The following TNFRSF8 variants were observed in gnomAD, a reference collection of about 807,000 sequenced individuals.
The protein encoded by TNFRSF8 is tumor necrosis factor receptor superfamily member 8.
Under a neutral mutation model 70.8 loss-of-function variants are expected in TNFRSF8, and 26 were observed. That is an observed-to-expected ratio of 0.37 (90% CI 0.27 to 0.51). TNFRSF8 has a LOEUF of 0.51. Ranked by LOEUF, TNFRSF8 falls within the 20% of genes least tolerant of loss-of-function variation. TNFRSF8 has a pLI of 0.94. For synonymous variants in TNFRSF8, 356 were observed against 339.2 expected (o/e 1.05, Z -0.54); for missense variants, 720 against 807.9 (o/e 0.89, Z 1.32).
In TNFRSF8 at chr1:12,135,824, C is replaced by T. The variant is rs535743381; in HGVS notation, c.1335+211C>T. ...CAGGGACCTCTGTGCACAGAGGCCT[C>T]GCCTGGGGCCTCAGCCAGGCCTTGG... On this transcript the variant is annotated intron_variant, in intron 13 of 14. Coordinates refer to ENST00000263932, the MANE Select transcript of TNFRSF8 (RefSeq NM_001243.5). 1.3e-4 allele frequency among the ~76,000 whole-genome samples: 20 copies of T among 152,288 alleles called. No individual in the cohort carries two copies. The South Asian group carries it at 2.1e-3, about 16-fold the overall frequency.
rs894921097 is a variant in TNFRSF8, at chr1:12,109,279, C to T, written c.422-287C>T. ...GCTCATCGTGGCCAGAGGAATGCAA[C>T]GGATTGATTGGTCCAGCCTGGTCTC... On this transcript the variant is annotated intron_variant, in intron 4 of 14. Transcript: ENST00000263932. The surrounding 1 kb of genome is among the most constrained non-coding windows in gnomAD (Gnocchi z 4.4). Among the ~76,000 whole-genome samples, 11 of 152,168 alleles carry T rather than the reference C, an allele frequency of 7.2e-5. No individual in the cohort carries two copies. The highest frequency in any genetic ancestry group is 2.7e-4 in the African/African-American group (11 of 41,426).
chr1:12,134,521 G>A (rs1642109865), intron 12 of TNFRSF8, among the ~76,000 whole-genome samples: 1 of 152,192 alleles, frequency 6.6e-6, no homozygotes, highest in Non-Finnish European at 1.5e-5. Context: ...GGAGTGGAGG[G>A]TAGAGGTTTG....
chr1:12,074,747 G>C (rs1640908280), intron 1 of TNFRSF8, among the ~76,000 whole-genome samples: 2 of 152,172 alleles, frequency 1.3e-5, no homozygotes, highest in East Asian at 3.9e-4. Context: ...ATCTAAAATG[G>C]AAACCTCTCG....
chr1:12,086,142 G>C (rs369839942), intron 2 of TNFRSF8, among the ~76,000 whole-genome samples: 40 of 152,276 alleles, frequency 2.6e-4, no homozygotes, highest in African/African-American at 8.9e-4. Context: ...TTCCACTGGA[G>C]CTGCGCGGGA....
At chr1:12,129,984 A>C (rs1642018458) in intron 12 of TNFRSF8, among the ~76,000 whole-genome samples, 1 of 150,004 alleles carries the variant, frequency 6.7e-6, no homozygotes, top group Non-Finnish European at 1.5e-5. Context: ...GGCTTACTGC[A>C]ACCCCCGCCT....
chr1:12,137,356 A>G (rs976357233), intron 13 of TNFRSF8, among the ~76,000 whole-genome samples: 3 of 152,116 alleles, frequency 2.0e-5, no homozygotes, highest in Non-Finnish European at 4.4e-5. Context: ...TTACTTTTGC[A>G]CCAATCTAAA....
Position 12,109,927 on chromosome 1 carries a change from G to A in TNFRSF8, c.513-114G>A, listed in dbSNP as rs1363266529. On this transcript the variant is annotated intron_variant, in intron 5 of 14. Transcript: ENST00000263932. This position sits in a 1 kb window ranked among gnomAD's most constrained non-coding sequence, Gnocchi z 4.4. The stretch of plus-strand genomic sequence containing the variant: ...AGGAGCTTACAGTGGGCCCGCCAGA[G>A]GCAGTGGGCCAAGGGCCTGGGACCC... 3 of 1,319,608 alleles carry A rather than the reference G, an allele frequency of 2.3e-6. No homozygotes were observed. Among genetic ancestry groups the A allele is most frequent in the Non-Finnish European group, 3.1e-6 (3 of 953,716 alleles). The allele number at this position is 1,319,608 out of a possible 1,614,324, so 81.7% of individuals were successfully genotyped here.
chr1:12,142,927 GGCCCCTGT>G lies in TNFRSF8; in HGVS notation c.*397_*404del. The stretch of plus-strand genomic sequence containing the variant: ...GAGAGGTCGTGAGGCCAGCTCCCGG[GGCCCCTGT>G]AACCCTACTCTCCTCTCTCCCTGGA... On this transcript the variant is annotated 3_prime_UTR_variant, in exon 15 of 15. Coordinates refer to ENST00000263932, the MANE Select transcript of TNFRSF8 (RefSeq NM_001243.5). This position sits in a 1 kb window ranked among gnomAD's most constrained non-coding sequence, Gnocchi z 5.0. The G allele has an allele frequency of 5.5e-6, 1 of 183,368 alleles. No individual in the cohort carries two copies. The highest frequency in any genetic ancestry group is 1.3e-4 in the South Asian group (1 of 7,992). The allele number at this position is 183,368 out of a possible 1,614,324, so 11.4% of individuals were successfully genotyped here.
rs1641591956 is a variant in TNFRSF8, at chr1:12,109,648, AC to A, written c.507del (p.Ser170ProfsTer25). The A allele has an allele frequency of 6.2e-7, 1 of 1,613,214 alleles. No homozygotes were observed. The highest frequency in any genetic ancestry group is 8.5e-7 in the Non-Finnish European group (1 of 1,179,762). On this transcript the variant is annotated frameshift_variant, in exon 5 of 15. Transcript: ENST00000263932. LOFTEE classifies it high-confidence loss of function. This position sits in a 1 kb window ranked among gnomAD's most constrained non-coding sequence, Gnocchi z 4.4. ...ACASPENCKE[P>X]SSGTIPQAKP... The stretch of plus-strand genomic sequence containing the variant: ...GTGCCAGCCCAGAGAACTGCAAGGA[AC>A]CCTCCAGGTGACTCCCTGGCTTTGC...
At position 12,095,565 on chromosome 1, in the gene TNFRSF8, G is replaced by C. The variant is rs1157289779; in HGVS notation, c.152-1536G>C. Among the ~76,000 whole-genome samples, 3 of 152,366 alleles carry C rather than the reference G, an allele frequency of 2.0e-5. No individual in the cohort carries two copies. The East Asian group carries it at 5.8e-4, about 29-fold the overall frequency. ...GGCCTCCCAAAGTGTTGGGGTTACA[G>C]GCGTGAGCCACCGCACCCGGCCTGT... On this transcript the variant is annotated intron_variant, in intron 2 of 14. Transcript: ENST00000263932.
intron 2 of TNFRSF8, among the ~76,000 whole-genome samples, chr1:12,094,138 C>T (rs926254913): frequency 2.0e-5 from 3 of 151,806 alleles, no homozygotes; most frequent in African/African-American, 7.3e-5. Flanking sequence ...CCACCGCACC[C>T]GATGGAGCTG....
intron 3 of TNFRSF8, among the ~76,000 whole-genome samples, chr1:12,101,116 G>A (rs1463242728): frequency 1.3e-5 from 2 of 152,168 alleles, no homozygotes; most frequent in South Asian, 2.1e-4. Flanking sequence ...GTTTTAATAA[G>A]TAGGAGTACA....
At chr1:12,103,096 G>T (rs1206405088) in intron 3 of TNFRSF8, among the ~76,000 whole-genome samples, 1 of 152,102 alleles carries the variant, frequency 6.6e-6, no homozygotes, top group Non-Finnish European at 1.5e-5. Context: ...GGGTGCAGTG[G>T]CTCACGCCTG....
intron 8 of TNFRSF8, among the ~76,000 whole-genome samples, chr1:12,120,294 A>G (rs944866944): frequency 3.9e-5 from 6 of 152,228 alleles, no homozygotes; most frequent in Non-Finnish European, 8.8e-5. Flanking sequence ...ATGATGTGGT[A>G]TAGACCAGTT....
intron 1 of TNFRSF8, among the ~76,000 whole-genome samples, chr1:12,070,592 G>C (rs1376439030): frequency 6.6e-6 from 1 of 152,092 alleles, no homozygotes; most frequent in African/African-American, 2.4e-5. Context: ...TCCTATTGCT[G>C]GGATTACAGG....
intron 4 of TNFRSF8, among the ~76,000 whole-genome samples, chr1:12,105,346 C>T (rs1194279105): frequency 1.3e-5 from 2 of 152,148 alleles, no homozygotes; most frequent in African/African-American, 2.4e-5. Context: ...CCATCGCTAC[C>T]ACTGCCTGCC....
chr1:12,072,636 T>G (rs1640867102), intron 1 of TNFRSF8, among the ~76,000 whole-genome samples: 1 of 152,090 alleles, frequency 6.6e-6, no homozygotes, highest in Admixed American at 6.5e-5. Flanking sequence ...CTTGGGTTCT[T>G]GGGTCCTCCA....
chr1:12,104,625 C>A, intron 4 of TNFRSF8, 94 bp downstream of exon 4: 2 of 1,452,326 alleles, frequency 1.4e-6, no homozygotes, highest in Non-Finnish European at 1.9e-6. Flanking sequence ...TCCGACCTCC[C>A]GCTTCCCGGA....
chr1:12,089,949 C>G (rs955386961), intron 2 of TNFRSF8, among the ~76,000 whole-genome samples: 1 of 148,922 alleles, frequency 6.7e-6, no homozygotes, highest in Non-Finnish European at 1.5e-5. Flanking sequence ...CATCCATCTA[C>G]CCATCCACCC....
Sources: allele counts gnomAD v4.1 joint callset (sites outside exome capture counted in the v4.1 genomes callset), GRCh38; gene constraint gnomAD v4.1.1; non-coding constraint Gnocchi (gnomAD v3.1); transcripts MANE v1.5; gene names NCBI Gene and HGNC (gene_info 2026-07-23, HGNC 2026-07-21).